Variants in SULF2 observed in about 807,000 individuals in gnomAD.
SULF2 encodes the protein sulfatase 2.
Under a neutral mutation model 107.7 loss-of-function variants are expected in SULF2, and 52 were observed. That is an observed-to-expected ratio of 0.48 (90% CI 0.39 to 0.61). The LOEUF (loss-of-function observed/expected upper bound fraction) is 0.61. Among genes scored for constraint, SULF2 ranks in the 20% least tolerant of loss-of-function variants. The pLI is 0.00. For synonymous variants in SULF2, 460 were observed against 464.3 expected, an observed-to-expected ratio of 0.99 and a Z score of 0.12; for missense variants, 993 against 1,177.3, an observed-to-expected ratio of 0.84 and a Z score of 2.29.
chr20:47,720,144 G>A (rs1156394477), intron 3 of SULF2, among the ~76,000 whole-genome samples: 1 of 152,024 alleles, frequency 6.6e-6, no homozygotes, highest in Non-Finnish European at 1.5e-5. Flanking sequence ...TATTAGAGAC[G>A]GGGTTTCACG....
Position 47,676,584 on chromosome 20 carries a change from G to T in SULF2, c.1290C>A (p.Ala430=), listed in dbSNP as rs1433247725. ...LHKRDNDKVD[A]QEENFLPKYQ... Reference sequence around the variant, plus strand: ...ACTTGGGCAGAAAGTTCTCCTCCTGGGCGTCCACCTTGTCATTGTCTCTCT... The same window carrying T: ...ACTTGGGCAGAAAGTTCTCCTCCTGTGCGTCCACCTTGTCATTGTCTCTCT... The change falls in exon 10 of 21, where the codon GCC becomes GCA. Residue 430 remains alanine (A), a synonymous_variant. Transcript: ENST00000688720. 6.4e-7 allele frequency: 1 copy of T among 1,566,218 alleles called. No homozygotes were observed. Among genetic ancestry groups the T allele is most frequent in the South Asian group, 1.2e-5 (1 of 85,608 alleles).
At chr20:47,681,154 G>A (rs1340082228) in intron 7 of SULF2, among the ~76,000 whole-genome samples, 1 of 152,066 alleles carries the variant, frequency 6.6e-6, no homozygotes, top group Non-Finnish European at 1.5e-5. Context: ...AAGTGGGACT[G>A]AGAGATAAGA....
intron 7 of SULF2, among the ~76,000 whole-genome samples, chr20:47,681,317 A>G (rs1410504371): frequency 1.3e-5 from 2 of 152,152 alleles, no homozygotes; most frequent in African/African-American, 4.8e-5. Flanking sequence ...TTGCAACCAA[A>G]GGAGTCCTGG....
chr20:47,661,115 C>G (rs1208917092), intron 18 of SULF2, among the ~76,000 whole-genome samples: 2 of 152,134 alleles, frequency 1.3e-5, no homozygotes, highest in East Asian at 3.9e-4. Flanking sequence ...TCTACCGTGG[C>G]CTAGGAAGCC....
In SULF2 at chr20:47,690,299, G is replaced by C. The variant is rs532791800; in HGVS notation, c.568-4C>G. Reference sequence around the variant, plus strand: ...TGATGAGGTCTGTGAGGTAATCCTGGGGGGTGGGGAGAGACAGGAGAACAG... The same window carrying C: ...TGATGAGGTCTGTGAGGTAATCCTGCGGGGTGGGGAGAGACAGGAGAACAG... On this transcript the variant is annotated splice_polypyrimidine_tract_variant and splice_region_variant and intron_variant, in intron 4 of 20. Transcript: ENST00000688720. 3 of 1,470,984 alleles carry C rather than the reference G, an allele frequency of 2.0e-6. No individual in the cohort carries two copies. Among genetic ancestry groups the C allele is most frequent in the Non-Finnish European group, 9.1e-7 (1 of 1,102,156 alleles). 91.1% of individuals were successfully genotyped at this position (1,470,984 alleles called of 1,614,324 possible).
chr20:47,667,687 C>A lies in SULF2; in HGVS notation c.1577-1199G>T, dbSNP rs1186461580. On this transcript the variant is annotated intron_variant, in intron 11 of 20. Transcript: ENST00000688720. ...CATGTCTGGCCCCAGCAGGCACGCA[C>A]TGCAGTTGTCATCCTTCTCCAGATG... Among the ~76,000 whole-genome samples, 4 of 152,336 alleles carry A rather than the reference C, an allele frequency of 2.6e-5. No homozygotes were observed. The East Asian group carries it at 7.7e-4, about 29-fold the overall frequency.
At chr20:47,681,827 G>C (rs2087832397) in intron 7 of SULF2, among the ~76,000 whole-genome samples, 1 of 152,218 alleles carries the variant, frequency 6.6e-6, no homozygotes, top group Admixed American at 6.5e-5. Context: ...TGGGATTACA[G>C]GTGTACGCCA....
At chr20:47,677,206 A>G in intron 8 of SULF2, 72 bp from the exon 9 acceptor site, 2 of 1,542,968 alleles carry the variant, frequency 1.3e-6, no homozygotes, top group Admixed American at 3.4e-5. Flanking sequence ...CCCCAGGAGC[A>G]GGGACGGCAC....
chr20:47,756,159 G>C (rs6094813), intron 2 of SULF2, among the ~76,000 whole-genome samples: 2 of 152,178 alleles, frequency 1.3e-5, no homozygotes, highest in Non-Finnish European at 2.9e-5. Flanking sequence ...GAAGCTCTGA[G>C]GTCCAGGTGC....
At chr20:47,677,400 C>CTGTGTGTGTGTGTGTG (rs58936261) in intron 8 of SULF2, among the ~76,000 whole-genome samples, 11 of 143,918 alleles carry the variant, frequency 7.6e-5, no homozygotes, top group Non-Finnish European at 1.2e-4. Context: ...ACCCAAGTAA[C>CTGTGTGTGTGTGTGTG]TGTGTGTGTG....
Position 47,709,099 on chromosome 20 carries a change from G to A in SULF2, c.416-6429C>T, listed in dbSNP as rs2088838877. Among the ~76,000 whole-genome samples, 3 of 152,290 alleles carry A rather than the reference G, an allele frequency of 2.0e-5. No individual in the cohort carries two copies. The South Asian group carries it at 6.2e-4, about 32-fold the overall frequency. On this transcript the variant is annotated intron_variant, in intron 3 of 20. Coordinates refer to ENST00000688720, the MANE Select transcript of SULF2 (RefSeq NM_001387048.1). ...GGAGGTGGGAGAAGCAAATTAGCAT[G>A]GGCCCCGGGGCTCCTGGGCTGGGAG...
intron 4 of SULF2, among the ~76,000 whole-genome samples, chr20:47,695,132 T>C (rs2088331712): frequency 1.3e-5 from 2 of 152,210 alleles, no homozygotes. Context: ...CCTGTCTCTG[T>C]TGCAACTACT....
chr20:47,745,416 T>TAA (rs1568892609), intron 2 of SULF2, among the ~76,000 whole-genome samples: 273 of 4,904 alleles, frequency 0.056, 12 homozygotes, highest in African/African-American at 0.2. Context: ...AAAAAATATA[T>TAA]ATATATATAT....
chr20:47,776,737 T>C (rs2090732396), intron 1 of SULF2, among the ~76,000 whole-genome samples: 1 of 152,236 alleles, frequency 6.6e-6, no homozygotes, highest in African/African-American at 2.4e-5. Flanking sequence ...GTGAGGTCCC[T>C]GCCGTGGCAT....
At chr20:47,775,958 ACAAACT>A (rs1388612815) in intron 1 of SULF2, among the ~76,000 whole-genome samples, 1 of 152,198 alleles carries the variant, frequency 6.6e-6, no homozygotes, top group African/African-American at 2.4e-5. Context: ...ACAACGGGAG[ACAAACT>A]CAAATGCCTA....
At chr20:47,671,108 G>A (rs2087455070) in intron 11 of SULF2, among the ~76,000 whole-genome samples, 1 of 152,174 alleles carries the variant, frequency 6.6e-6, no homozygotes, top group Non-Finnish European at 1.5e-5. Flanking sequence ...ATGGTGAAGC[G>A]ATGGCCCAGG....
Position 47,731,187 on chromosome 20 carries a change from CTT to C in SULF2, c.415+5514_415+5515del, listed in dbSNP as rs71183273. On this transcript the variant is annotated intron_variant, in intron 3 of 20. Coordinates refer to ENST00000688720, the MANE Select transcript of SULF2 (RefSeq NM_001387048.1). ...TGCCTGCTACTCACCTGTATCTTCT[CTT>C]TTTTTTTTTTTTTTTTTTTTTGAGA... 2.8e-3 allele frequency among the ~76,000 whole-genome samples: 225 copies of C among 81,142 alleles called. 1 individual carries two copies. Among genetic ancestry groups the C allele is most frequent in the African/African-American group, 0.013 (215 of 16,050 alleles). 53.2% of individuals were successfully genotyped at this position (81,142 alleles called of 152,430 possible). A position where few individuals can be genotyped will look rare whatever the true frequency, so the allele number is the denominator to read the frequency against.
In SULF2 at chr20:47,662,711, G is replaced by A. The variant is rs149232321; in HGVS notation, c.2370+359C>T. Among the ~76,000 whole-genome samples the A allele has an allele frequency of 2.1e-3, 320 of 152,314 alleles. 2 individuals carry two copies. The highest frequency in any genetic ancestry group is 0.02 in the Middle Eastern group (6 of 294). On this transcript the variant is annotated intron_variant, in intron 17 of 20. Transcript: ENST00000688720. ...AGTGTGTTACTGTTATATTAGCTGC[G>A]CGGTCCGTGTAGGCCCTGCAGTGGG...
At chr20:47,780,152 G>A (rs898208567) in intron 1 of SULF2, among the ~76,000 whole-genome samples, 2 of 151,316 alleles carry the variant, frequency 1.3e-5, no homozygotes, top group African/African-American at 2.4e-5. Flanking sequence ...AAATAGCTGG[G>A]ACTACAGGCA....
Sources: gnomAD v4.1 joint callset for allele counts (sites outside exome capture counted in the v4.1 genomes callset) on GRCh38, gnomAD v4.1.1 for gene constraint, MANE v1.5 for transcripts, NCBI Gene and HGNC (gene_info 2026-07-23, HGNC 2026-07-21) for gene names.